The following CEP290 variants were observed in gnomAD, a reference collection of about 807,000 sequenced individuals.
CEP290 encodes centrosomal protein 290.
CEP290 carries 317 observed loss-of-function variants against 344.9 expected under a neutral mutation model. The ratio of observed to expected loss-of-function variants is 0.92; its 90% CI spans 0.84 to 1.01. The LOEUF (loss-of-function observed/expected upper bound fraction) is 1.01, where lower values mean the gene tolerates loss of function less well. Ranked by LOEUF, CEP290 falls within the 50% of genes least tolerant of loss-of-function variation. The pLI is 0.00. For missense variants in CEP290, 2,754 were observed against 2,761.4 expected (o/e 1.00, Z 0.06); for synonymous variants, 932 against 895.8 (o/e 1.04, Z -0.72).
In CEP290 at chr12:88,093,769, C is replaced by A. The variant is rs748870513; in HGVS notation, c.3309+1G>T. On this transcript the variant is annotated splice_donor_variant, in intron 28 of 53. Coordinates refer to ENST00000552810, the MANE Select transcript of CEP290 (RefSeq NM_025114.4). LOFTEE classifies it high-confidence loss of function. Reference sequence around the variant, plus strand: ...GTATGATAAAACTTATAATATCAAACCTCAGCAAATTTGGTTTCCAATTCA... The same window carrying A: ...GTATGATAAAACTTATAATATCAAAACTCAGCAAATTTGGTTTCCAATTCA... 6.3e-7 allele frequency: 1 copy of A among 1,595,802 alleles called. No individual in the cohort carries two copies. Among genetic ancestry groups the A allele is most frequent in the Non-Finnish European group, 8.6e-7 (1 of 1,168,758 alleles).
chr12:88,049,579 G>T, intron 53 of CEP290, 165 bp from the exon 54 acceptor site: 1 of 525,512 alleles, frequency 1.9e-6, no homozygotes. Context: ...ATTGTACAGT[G>T]TAAATAACTA....
intron 41 of CEP290, among the ~76,000 whole-genome samples, chr12:88,075,503 T>C (rs2035698279): frequency 6.7e-6 from 1 of 150,330 alleles, no homozygotes; most frequent in Non-Finnish European, 1.5e-5. Flanking sequence ...ATAAATAAAA[T>C]AGGCAAAGTT....
intron 45 of CEP290, among the ~76,000 whole-genome samples, chr12:88,063,142 C>CA (rs11314427): frequency 3.2e-4 from 42 of 129,760 alleles, no homozygotes; most frequent in African/African-American, 1.1e-3. Flanking sequence ...GAAGCAGTAC[C>CA]AAAAAAAAAA....
chr12:88,115,176 AT>A lies in CEP290; in HGVS notation c.1830del (p.Glu610AspfsTer7), dbSNP rs992032116. On this transcript the variant is annotated frameshift_variant, in exon 19 of 54. Coordinates refer to ENST00000552810, the MANE Select transcript of CEP290 (RefSeq NM_025114.4). LOFTEE classifies it high-confidence loss of function. ...TTTTCAATTAGTTCTCTTGAAAGAA[AT>A]TCATTCTGAAAAAAGCAGAGAGAAT... Reference protein sequence around the residue: ...KNMSEAQSKNEFLSRELIEKE... With the variant: ...KNMSEAQSKNXFLSRELIEKE... 4.8e-6 allele frequency: 7 copies of A among 1,449,998 alleles called. No homozygotes were observed. Among genetic ancestry groups the A allele is most frequent in the Non-Finnish European group, 6.6e-6 (7 of 1,056,254 alleles). 89.8% of individuals were successfully genotyped at this position (1,449,998 alleles called of 1,614,324 possible).
chr12:88,102,832 A>T lies in CEP290; in HGVS notation c.2991+6T>A. ...TTCACAAGGTTCAAGAATCACACAAACTTACCTCCAGGTGTTCCAAGTTAC... is the reference window on the plus strand; with the variant it reads ...TTCACAAGGTTCAAGAATCACACAATCTTACCTCCAGGTGTTCCAAGTTAC... On this transcript the variant is annotated splice_donor_region_variant and intron_variant, in intron 26 of 53. Coordinates refer to ENST00000552810, the MANE Select transcript of CEP290 (RefSeq NM_025114.4). 1 of 1,608,046 alleles carries T rather than the reference A, an allele frequency of 6.2e-7. No individual in the cohort carries two copies. The highest frequency in any genetic ancestry group is 1.7e-4 in the Middle Eastern group (1 of 6,042).
intron 29 of CEP290, among the ~76,000 whole-genome samples, chr12:88,091,677 A>T (rs2471538): frequency 0.056 from 8,499 of 151,242 alleles, 296 homozygotes; most frequent in African/African-American, 0.099. Flanking sequence ...CAATTTTTTT[A>T]AAAAAAAGGG....
chr12:88,073,884 C>A (rs2035567150), intron 41 of CEP290, among the ~76,000 whole-genome samples: 1 of 152,118 alleles, frequency 6.6e-6, no homozygotes, highest in Non-Finnish European at 1.5e-5. Flanking sequence ...TAATACTAGT[C>A]AATTTTTTAC....
chr12:88,076,343 C>T (rs1592801666), intron 41 of CEP290, among the ~76,000 whole-genome samples: 1 of 152,214 alleles, frequency 6.6e-6, no homozygotes, highest in South Asian at 2.1e-4. Flanking sequence ...TACCTATTTT[C>T]TATTCAATGC....
intron 38 of CEP290, among the ~76,000 whole-genome samples, 178 bp downstream of exon 38, chr12:88,080,004 C>T (rs2036074274): frequency 6.6e-6 from 1 of 152,130 alleles, no homozygotes; most frequent in African/African-American, 2.4e-5. Flanking sequence ...TGGACTATAT[C>T]TGCCCACAAA....
At chr12:88,060,745 T>C (rs941076905) in intron 47 of CEP290, 85 bp downstream of exon 47, 7 of 990,992 alleles carry the variant, frequency 7.1e-6, no homozygotes, top group African/African-American at 1.6e-5. Context: ...CCATTTTATA[T>C]AGTAATGAGC....
At chr12:88,140,036 G>A (rs1014684759) in intron 3 of CEP290, among the ~76,000 whole-genome samples, 4 of 152,134 alleles carry the variant, frequency 2.6e-5, no homozygotes, top group Admixed American at 6.5e-5. Flanking sequence ...GATTACAGAC[G>A]TGAGCCACCA....
intron 23 of CEP290, among the ~76,000 whole-genome samples, chr12:88,108,109 A>G (rs2038421133): frequency 6.6e-6 from 1 of 152,124 alleles, no homozygotes; most frequent in East Asian, 1.9e-4. Flanking sequence ...AGTAATTTAA[A>G]ACATATTTAT....
At chr12:88,093,716 A>G (rs761877962) in intron 28 of CEP290, 54 bp downstream of exon 28, 37 of 1,361,390 alleles carry the variant, frequency 2.7e-5, no homozygotes, top group Non-Finnish European at 3.7e-5. Context: ...TACAATGTCT[A>G]CCAAAACTAA....
rs11405846 is a variant in CEP290, at chr12:88,060,817, T to TAA, written c.6522+11_6522+12dup. ...AATATTCCCCTAAAAATGATCACATTAAAAAAAATTACCTTCAATTTTTCA... is the reference window on the plus strand; with the variant it reads ...AATATTCCCCTAAAAATGATCACATTAAAAAAAAAATTACCTTCAATTTTTCA... On this transcript the variant is annotated intron_variant, in intron 47 of 53. Transcript: ENST00000552810. 826 of 1,410,258 alleles carry TAA rather than the reference T, an allele frequency of 5.9e-4. No individual in the cohort carries two copies. Among genetic ancestry groups the TAA allele is most frequent in the Admixed American group, 1.4e-3 (50 of 35,712 alleles). The allele number at this position is 1,410,258 out of a possible 1,614,324, so 87.4% of individuals were successfully genotyped here.
intron 32 of CEP290, 143 bp downstream of exon 32, chr12:88,087,637 A>G (rs984697822): frequency 2.9e-4 from 88 of 298,886 alleles, no homozygotes; most frequent in Non-Finnish European, 4.6e-4. Context: ...GGAGAATGGC[A>G]TGAACCCGGG....
rs200454865 is a variant in CEP290, at chr12:88,111,821, G to C, written c.2090C>G (p.Ala697Gly). Residue 697 changes from alanine (A) to glycine (G), a missense_variant, in exon 21 of 54, where the codon GCG becomes GGG. Physicochemically the swap from Ala to Gly is moderately conservative, Grantham distance 60. Transcript: ENST00000552810. ...AACTTGGGCTTTCAAATGCAGACTCGCATCAAAGATTCCTTCTGCATTCTT... is the reference window on the plus strand; with the variant it reads ...AACTTGGGCTTTCAAATGCAGACTCCCATCAAAGATTCCTTCTGCATTCTT... ...ESKNAEGIFDASLHLKAQVDQ... is the reference protein window; with the variant it reads ...ESKNAEGIFDGSLHLKAQVDQ... The C allele has an allele frequency of 2.3e-4, 369 of 1,600,832 alleles. No individual in the cohort carries two copies. Among genetic ancestry groups the C allele is most frequent in the Middle Eastern group, 5.0e-4 (3 of 6,058 alleles).
intron 39 of CEP290, 109 bp downstream of exon 39, chr12:88,078,983 T>C (rs1183786784): frequency 1.2e-6 from 1 of 859,520 alleles, no homozygotes; most frequent in Non-Finnish European, 1.7e-6. Context: ...CCACCAACAG[T>C]GCATTATAAA....
At chr12:88,097,417 T>C (rs1197044243) in intron 26 of CEP290, among the ~76,000 whole-genome samples, 1 of 152,084 alleles carries the variant, frequency 6.6e-6, no homozygotes, top group Non-Finnish European at 1.5e-5. Flanking sequence ...CCGGCCACCA[T>C]GTGAAGAAAA....
rs143933695 is a variant in CEP290 at position 88,105,655 on chromosome 12, T to C, written c.2817+1020A>G. ...ATTAGGACTGACAAATAATTTGTTA[T>C]TTGTATGGTACCAAAATATCACCAG... On this transcript the variant is annotated intron_variant, in intron 25 of 53. Coordinates refer to ENST00000552810, the MANE Select transcript of CEP290 (RefSeq NM_025114.4). Among the ~76,000 whole-genome samples, 6 of 152,334 alleles carry C rather than the reference T, an allele frequency of 3.9e-5. No individual in the cohort carries two copies. In the East Asian group the frequency reaches 7.7e-4, roughly 20 times the overall value.
Sources: allele counts gnomAD v4.1 joint callset (sites outside exome capture counted in the v4.1 genomes callset), GRCh38; gene constraint gnomAD v4.1.1; transcripts MANE v1.5; gene names NCBI Gene and HGNC (gene_info 2026-07-23, HGNC 2026-07-21).